The following KANK1 variants were observed in gnomAD, a reference collection of about 807,000 sequenced individuals.
KANK1 encodes KN motif and ankyrin repeat domain-containing protein 1.
A neutral mutation model predicts 106.2 loss-of-function variants in KANK1; 109 were observed. The ratio of observed to expected loss-of-function variants is 1.03; its 90% CI spans 0.88 to 1.20. KANK1 has a LOEUF of 1.20. KANK1 is among the 50% of genes most tolerant of loss of function. KANK1 has a pLI of 0.00. For missense variants in KANK1, 2,399 were observed against 1,710.7 expected, an observed-to-expected ratio of 1.40 and a Z score of -7.10; for synonymous variants, 873 against 652.2, an observed-to-expected ratio of 1.34 and a Z score of -5.16.
At chr9:599,781 G>T (rs1162618047) in intron 1 of KANK1, among the ~76,000 whole-genome samples, 1 of 151,830 alleles carries the variant, frequency 6.6e-6, no homozygotes, top group Non-Finnish European at 1.5e-5. Flanking sequence ...AGGTTCTTCA[G>T]GGCTGGCTAC....
chr9:735,654 C>A (rs7872783), intron 7 of KANK1: 194,216 of 322,788 alleles, frequency 0.6, 61,411 homozygotes, highest in African/African-American at 0.86. Flanking sequence ...AACTATGCAT[C>A]TACTTTAAAT....
At position 712,034 on chromosome 9, in the gene KANK1, A is replaced by C; in HGVS notation, c.1268A>C (p.Lys423Thr). 1.2e-6 allele frequency: 2 copies of C among 1,614,168 alleles called. No individual in the cohort carries two copies. Among genetic ancestry groups the C allele is most frequent in the Non-Finnish European group, 1.7e-6 (2 of 1,180,024 alleles). ...VVYHRGSRSCKDAAVGTLVEM... is the reference protein window; with the variant it reads ...VVYHRGSRSCTDAAVGTLVEM... The stretch of plus-strand genomic sequence containing the variant: ...TACCACAGAGGCTCCAGGTCCTGTA[A>C]GGATGCAGCTGTAGGGACACTTGTT... Residue 423 changes from lysine to threonine, a missense_variant, in exon 3 of 12, where the codon AAG (lysine) becomes ACG (threonine). Physicochemically the swap from Lys to Thr is moderately conservative, Grantham distance 78. Transcript: ENST00000382297.
intron 6 of KANK1, chr9:732,932 A>G (rs1832721189): frequency 1.0e-5 from 2 of 200,200 alleles, no homozygotes; most frequent in Non-Finnish European, 2.0e-5. Flanking sequence ...AAGACATTTT[A>G]ATTTTTTGGT....
rs1039267348 is a variant in KANK1, at chr9:529,403, G to C, written c.-84+24649G>C. On this transcript the variant is annotated intron_variant, in intron 1 of 11. Transcript: ENST00000382297. The stretch of plus-strand genomic sequence containing the variant: ...TTCAGTAGAGATGGGCTTTCACCAT[G>C]TTGGCCAGGATGGTGTTGATCTCTC... Among the ~76,000 whole-genome samples the C allele has an allele frequency of 2.0e-5, 3 of 151,344 alleles. No homozygotes were observed. The South Asian group carries it at 6.3e-4, about 32-fold the overall frequency.
intron 1 of KANK1, among the ~76,000 whole-genome samples, chr9:666,655 A>G (rs537035356): frequency 3.9e-5 from 6 of 152,096 alleles, no homozygotes; most frequent in Admixed American, 6.5e-5. Context: ...ATCAAAAGGG[A>G]TATTGAATTT....
At chr9:745,030 T>G (rs1836825219) in intron 11 of KANK1, 143 bp from the exon 12 acceptor site, 1 of 1,513,434 alleles carries the variant, frequency 6.6e-7, no homozygotes, top group Admixed American at 2.2e-5. Context: ...TGGACACCTG[T>G]TCCCTGTTCT....
intron 1 of KANK1, among the ~76,000 whole-genome samples, chr9:602,503 C>T (rs1273111323): frequency 6.6e-6 from 1 of 151,766 alleles, no homozygotes; most frequent in Admixed American, 6.6e-5. Flanking sequence ...CATGATCCGC[C>T]TGCCTCAGCC....
chr9:638,541 A>G (rs574990716), intron 1 of KANK1, among the ~76,000 whole-genome samples: 3 of 152,316 alleles, frequency 2.0e-5, no homozygotes, highest in Admixed American at 2.0e-4. Flanking sequence ...CTCGAGTTAT[A>G]TTGTTAGCAC....
chr9:613,393 G>T (rs1219576586), intron 1 of KANK1, among the ~76,000 whole-genome samples: 1 of 151,198 alleles, frequency 6.6e-6, no homozygotes, highest in African/African-American at 2.4e-5. Flanking sequence ...ATGGCCCACA[G>T]GCTGCATGTG....
At chr9:601,188 G>A (rs1256248077) in intron 1 of KANK1, among the ~76,000 whole-genome samples, 1 of 151,746 alleles carries the variant, frequency 6.6e-6, no homozygotes, top group Non-Finnish European at 1.5e-5. Flanking sequence ...CCTTCACTCA[G>A]TTTCTCCTAA....
chr9:500,901 G>A (rs2058539533), upstream of KANK1, among the ~76,000 whole-genome samples: 1 of 152,124 alleles, frequency 6.6e-6, no homozygotes, highest in African/African-American at 2.4e-5. Context: ...ATTGGAAATG[G>A]AAAGATTACA....
At chr9:555,148 A>G (rs1020794271) in intron 1 of KANK1, among the ~76,000 whole-genome samples, 1 of 151,998 alleles carries the variant, frequency 6.6e-6, no homozygotes, top group African/African-American at 2.4e-5. Context: ...CTGGATAGTA[A>G]TAAGTGCTCG....
chr9:712,651 G>A lies in KANK1; in HGVS notation c.1885G>A (p.Gly629Ser), dbSNP rs746621303. ...NLNLKEVRSIGCGDCSVDVTV... is the reference protein window; with the variant it reads ...NLNLKEVRSISCGDCSVDVTV... ...GAATCTCAAAGAAGTGCGGTCTATC[G>A]GTTGTGGAGATTGTTCTGTTGACGT... Residue 629 changes from glycine to serine, a missense_variant, in exon 3 of 12, where the codon GGT becomes AGT. Gly to Ser is a moderately conservative substitution (Grantham distance 56). Transcript: ENST00000382297. The A allele has an allele frequency of 4.2e-5, 68 of 1,614,026 alleles. No individual in the cohort carries two copies. Among genetic ancestry groups the A allele is most frequent in the Admixed American group, 6.7e-5 (4 of 60,002 alleles).
rs757565646 is a variant in KANK1 at position 738,461 on chromosome 9, G to T, written c.3510G>T (p.Val1170=). ...GNGNTALHYS[V]SHSNFEIVKL... The stretch of plus-strand genomic sequence containing the variant: ...GCAACACAGCCCTCCATTACAGCGT[G>T]TCCCACTCCAACTTCGAGATTGTGA... Residue 1170 remains valine (V), a synonymous_variant, in exon 8 of 12, where the codon GTG becomes GTT. Transcript: ENST00000382297. 6 of 1,614,194 alleles carry T rather than the reference G, an allele frequency of 3.7e-6. No individual in the cohort carries two copies. The South Asian group carries it at 6.6e-5, about 18-fold the overall frequency.
At chr9:603,569 T>G (rs1828315015) in intron 1 of KANK1, among the ~76,000 whole-genome samples, 1 of 151,858 alleles carries the variant, frequency 6.6e-6, no homozygotes. Flanking sequence ...TCTAAAATCA[T>G]CTTTTTCCTT....
At chr9:622,849 C>G (rs1437261432) in intron 1 of KANK1, among the ~76,000 whole-genome samples, 1 of 152,028 alleles carries the variant, frequency 6.6e-6, no homozygotes, top group Non-Finnish European at 1.5e-5. Context: ...TTGCAGTGAG[C>G]TGAGATCATG....
At chr9:743,070 A>G (rs1036298835) in intron 10 of KANK1, among the ~76,000 whole-genome samples, 1 of 152,186 alleles carries the variant, frequency 6.6e-6, no homozygotes, top group African/African-American at 2.4e-5. Context: ...GCCAAAGGAC[A>G]GGAGTGGTGA....
intron 1 of KANK1, among the ~76,000 whole-genome samples, chr9:640,948 G>A (rs1003991129): frequency 5.9e-5 from 9 of 152,128 alleles, no homozygotes; most frequent in East Asian, 3.9e-4. Flanking sequence ...TGCCCGCCTC[G>A]GCCTCCCAAA....
chr9:582,246 G>A (rs1277079216), intron 1 of KANK1, among the ~76,000 whole-genome samples: 1 of 152,112 alleles, frequency 6.6e-6, no homozygotes, highest in Admixed American at 6.5e-5. Context: ...GGGGGTGTGT[G>A]TGGCTTTACC....
Sources: allele counts gnomAD v4.1 joint callset (sites outside exome capture counted in the v4.1 genomes callset), GRCh38; gene constraint gnomAD v4.1.1; transcripts MANE v1.5; gene names NCBI Gene and HGNC (gene_info 2026-07-23, HGNC 2026-07-21).